PLGRKT: variants seen among roughly 807,000 people sequenced by gnomAD.
The protein encoded by PLGRKT is plasminogen receptor with a C-terminal lysine.
In PLGRKT, 22 loss-of-function variants were observed where a neutral mutation model predicts 18.5. The observed-to-expected ratio is 1.19, with a 90% CI of 0.85 to 1.70. The LOEUF (loss-of-function observed/expected upper bound fraction) is 1.70, where lower values mean the gene tolerates loss of function less well. Among genes scored for constraint, PLGRKT ranks in the 40% most tolerant of loss-of-function variants. The probability of loss-of-function intolerance (pLI) is 0.00; values close to 1 mark genes in which losing one functional copy is unlikely to be tolerated. For missense variants in PLGRKT, 235 were observed against 174.4 expected (o/e 1.35, Z -1.96); for synonymous variants, 72 against 52.8 (o/e 1.36, Z -1.58).
chr9:5,401,916 T>C (rs1168496661), intron 3 of PLGRKT, among the ~76,000 whole-genome samples: 2 of 151,998 alleles, frequency 1.3e-5, no homozygotes, highest in Non-Finnish European at 1.5e-5. Flanking sequence ...AAAGTTCTTT[T>C]CTCTTTGGTC....
At chr9:5,420,883 G>A (rs1481062213) in intron 3 of PLGRKT, among the ~76,000 whole-genome samples, 5 of 152,166 alleles carry the variant, frequency 3.3e-5, no homozygotes, top group Non-Finnish European at 5.9e-5. Context: ...CAGATGGGGG[G>A]CACAAGTGTG....
At chr9:5,419,546 C>T (rs1465534009) in intron 3 of PLGRKT, among the ~76,000 whole-genome samples, 2 of 152,084 alleles carry the variant, frequency 1.3e-5, no homozygotes. Flanking sequence ...AAAAAAGACA[C>T]AAAAAAGACT....
At chr9:5,373,331 A>G (rs1387056665) in intron 3 of PLGRKT, among the ~76,000 whole-genome samples, 1 of 152,140 alleles carries the variant, frequency 6.6e-6, no homozygotes, top group Non-Finnish European at 1.5e-5. Flanking sequence ...TTGCTTATCT[A>G]ATTCCTCAGA....
intron 2 of PLGRKT, among the ~76,000 whole-genome samples, chr9:5,434,442 GGCC>G (rs200557610): frequency 2.8e-5 from 4 of 142,418 alleles, no homozygotes; most frequent in Non-Finnish European, 3.1e-5. Flanking sequence ...ACCTCTGCCC[GGCC>G]GCCGCCCCGT....
chr9:5,380,420 T>C (rs1300093145), intron 3 of PLGRKT, among the ~76,000 whole-genome samples: 4 of 151,806 alleles, frequency 2.6e-5, no homozygotes, highest in African/African-American at 7.3e-5. Flanking sequence ...ATTTATCCTG[T>C]ATTGTACTTA....
chr9:5,431,860 TG>T (rs764162397), intron 3 of PLGRKT, 36 bp downstream of exon 3: 3 of 991,068 alleles, frequency 3.0e-6, no homozygotes, highest in Admixed American at 3.6e-5. Context: ...CTTTAAGCAT[TG>T]TAACAACATA....
Position 5,361,784 on chromosome 9 carries a change from G to C in PLGRKT, c.186C>G (p.Gly62=), listed in dbSNP as rs544206928. 2.4e-5 allele frequency: 38 copies of C among 1,612,470 alleles called. No individual in the cohort carries two copies. The Middle Eastern group carries it at 3.3e-3, about 140-fold the overall frequency. Reference sequence around the variant, plus strand: ...CAGCTGTTAAAGAGATGGCTGCAAGGCCAAAAAAAGTTCCAAAATATTTGA... The same window carrying C: ...CAGCTGTTAAAGAGATGGCTGCAAGCCCAAAAAAAGTTCCAAAATATTTGA... ...EFLKYFGTFF[G]LAAISLTAGA... The change falls in exon 4 of 6, where the codon GGC becomes GGG. Residue 62 remains glycine (G), a synonymous_variant. Transcript: ENST00000223864.
At chr9:5,375,152 G>C (rs1320778783) in intron 3 of PLGRKT, among the ~76,000 whole-genome samples, 1 of 152,182 alleles carries the variant, frequency 6.6e-6, no homozygotes, top group African/African-American at 2.4e-5. Flanking sequence ...CTGGTCCTTT[G>C]AATGTTTTTC....
chr9:5,421,008 T>A (rs1055499312), intron 3 of PLGRKT, among the ~76,000 whole-genome samples: 1 of 152,238 alleles, frequency 6.6e-6, no homozygotes, highest in East Asian at 1.9e-4. Flanking sequence ...ACACTATATT[T>A]TATGTTGCAA....
At chr9:5,395,155 A>G (rs372985351) in intron 3 of PLGRKT, among the ~76,000 whole-genome samples, 1 of 151,830 alleles carries the variant, frequency 6.6e-6, no homozygotes, top group Non-Finnish European at 1.5e-5. Flanking sequence ...ATTATCTTCA[A>G]ATAGGTGTAA....
At chr9:5,425,200 G>T (rs772103896) in intron 3 of PLGRKT, among the ~76,000 whole-genome samples, 1 of 152,102 alleles carries the variant, frequency 6.6e-6, no homozygotes, top group Non-Finnish European at 1.5e-5. Context: ...AGCCACTCAG[G>T]TGACATAAAA....
intron 3 of PLGRKT, among the ~76,000 whole-genome samples, chr9:5,401,899 G>A (rs1169937500): frequency 1.3e-5 from 2 of 151,788 alleles, no homozygotes; most frequent in Non-Finnish European, 1.5e-5. Context: ...TCCATGTAAC[G>A]CACTGGAAAG....
At chr9:5,378,102 G>C (rs1372227034) in intron 3 of PLGRKT, among the ~76,000 whole-genome samples, 2 of 152,164 alleles carry the variant, frequency 1.3e-5, no homozygotes, top group Non-Finnish European at 2.9e-5. Flanking sequence ...ATCCATGCCA[G>C]CTCCTCAAGA....
intron 3 of PLGRKT, among the ~76,000 whole-genome samples, chr9:5,409,134 C>A (rs867943070): frequency 4.6e-5 from 7 of 152,188 alleles, no homozygotes; most frequent in South Asian, 2.1e-4. Flanking sequence ...GAAGCCCCCA[C>A]AAAGATTCCA....
At chr9:5,387,982 G>C (rs1486551471) in intron 3 of PLGRKT, among the ~76,000 whole-genome samples, 4 of 151,838 alleles carry the variant, frequency 2.6e-5, no homozygotes, top group Admixed American at 2.6e-4. Context: ...TGATGGACTG[G>C]ATATAGGTGA....
intron 3 of PLGRKT, among the ~76,000 whole-genome samples, chr9:5,406,215 T>C (rs1190565354): frequency 6.6e-6 from 1 of 152,184 alleles, no homozygotes; most frequent in Admixed American, 6.5e-5. Context: ...TTCTCAAAGA[T>C]TTAGAACCGA....
chr9:5,435,811 G>C (rs912233704), intron 2 of PLGRKT, among the ~76,000 whole-genome samples: 3 of 152,208 alleles, frequency 2.0e-5, no homozygotes, highest in African/African-American at 7.2e-5. Context: ...TGAACCTCAG[G>C]TAAGAATGGC....
intron 3 of PLGRKT, among the ~76,000 whole-genome samples, chr9:5,409,128 C>T (rs1160845605): frequency 2.0e-5 from 3 of 152,204 alleles, no homozygotes; most frequent in Non-Finnish European, 4.4e-5. Flanking sequence ...GGGGTTGAAG[C>T]CCCCACAAAG....
At chr9:5,359,833 C>A (rs1817223838) in intron 5 of PLGRKT, among the ~76,000 whole-genome samples, 1 of 152,112 alleles carries the variant, frequency 6.6e-6, no homozygotes, top group Admixed American at 6.5e-5. Context: ...TATTTACCAA[C>A]CAGTTCTCTG....
Sources: allele counts gnomAD v4.1 joint callset (sites outside exome capture counted in the v4.1 genomes callset), GRCh38; gene constraint gnomAD v4.1.1; transcripts MANE v1.5; gene names NCBI Gene and HGNC (gene_info 2026-07-23, HGNC 2026-07-21).